The following HSD3B7 variants were observed in gnomAD, a reference collection of about 807,000 sequenced individuals.
HSD3B7 encodes 3 beta-hydroxysteroid dehydrogenase type 7.
HSD3B7 carries 35 observed loss-of-function variants against 34.3 expected under a neutral mutation model. That is an observed-to-expected ratio of 1.02 (90% CI 0.78 to 1.35). HSD3B7 has a LOEUF of 1.35. Among genes scored for constraint, HSD3B7 ranks in the 40% most tolerant of loss-of-function variants. HSD3B7 has a pLI of 0.00. For synonymous variants in HSD3B7, 217 were observed against 220.1 expected (o/e 0.99, Z 0.13); for missense variants, 426 against 504.7 (o/e 0.84, Z 1.49).
intron 2 of HSD3B7, 89 bp from the exon 3 acceptor site, chr16:30,985,959 TG>T: frequency 1.9e-6 from 3 of 1,579,054 alleles, no homozygotes; most frequent in Non-Finnish European, 1.7e-6. Flanking sequence ...TGAGTCACAT[TG>T]GGAACGTGAC....
rs985755033 is a variant in HSD3B7, at chr16:30,985,224, C to A, written c.-80C>A. On this transcript the variant is annotated 5_prime_UTR_variant, in exon 1 of 7. Transcript: ENST00000297679. ...GAGGAGCCAGCGGAAGGACGGTGTG[C>A]GGGCCGGCCAGCCCTGGACGAAAGA... 2.0e-5 allele frequency: 22 copies of A among 1,086,992 alleles called. No homozygotes were observed. The African/African-American group carries it at 3.4e-4, about 17-fold the overall frequency. 67.3% of individuals were successfully genotyped at this position (1,086,992 alleles called of 1,614,324 possible).
intron 6 of HSD3B7, chr16:30,987,560 C>G (rs1050384808): frequency 3.8e-5 from 24 of 629,898 alleles, no homozygotes; most frequent in African/African-American, 3.6e-4. Flanking sequence ...GTTTCTCTAT[C>G]CTCTCCCCAG....
Position 30,985,250 on chromosome 16 carries a change from A to G in HSD3B7, c.-54A>G, listed in dbSNP as rs1302392688. 1.4e-5 allele frequency: 16 copies of G among 1,129,566 alleles called. No individual in the cohort carries two copies. The highest frequency in any genetic ancestry group is 1.8e-5 in the Non-Finnish European group (16 of 912,608). The allele number at this position is 1,129,566 out of a possible 1,614,324, so 70.0% of individuals were successfully genotyped here. A position where few individuals can be genotyped will look rare whatever the true frequency, so the allele number is the denominator to read the frequency against. On this transcript the variant is annotated 5_prime_UTR_variant, in exon 1 of 7. Transcript: ENST00000297679. Reference sequence around the variant, plus strand: ...GGGCCGGCCAGCCCTGGACGAAAGAAGAGGGCCCCTCCAGGCCAGTCTGGG... The same window carrying G: ...GGGCCGGCCAGCCCTGGACGAAAGAGGAGGGCCCCTCCAGGCCAGTCTGGG...
chr16:30,988,988 T>TGAA lies in HSD3B7; in HGVS notation c.*806_*807insAAG, dbSNP rs2056528448. The TGAA allele has an allele frequency of 6.6e-6, 1 of 152,280 alleles. No homozygotes were observed. Among genetic ancestry groups the TGAA allele is most frequent in the Non-Finnish European group, 1.5e-5 (1 of 68,092 alleles). The allele number at this position is 152,280 out of a possible 1,614,324, so 9.4% of individuals were successfully genotyped here. A position where few individuals can be genotyped will look rare whatever the true frequency, so the allele number is the denominator to read the frequency against. On this transcript the variant is annotated 3_prime_UTR_variant, in exon 7 of 7. Transcript: ENST00000297679. The stretch of plus-strand genomic sequence containing the variant: ...GTTTTTCAAAGGCCTCACCTTCAAC[T>TGAA]GTCTGTCTTAGAATTCCCCTCTGGA...
Position 30,987,856 on chromosome 16 carries a change from TGGATCACCCTACAGGAGCTACGA to T in HSD3B7, c.788_810del (p.Ser263PhefsTer75), listed in dbSNP as rs775260292. 6.2e-7 allele frequency: 1 copy of T among 1,613,700 alleles called. No individual in the cohort carries two copies. The highest frequency in any genetic ancestry group is 1.7e-5 in the Admixed American group (1 of 60,030). On this transcript the variant is annotated frameshift_variant, in exon 7 of 7. Coordinates refer to ENST00000297679, the MANE Select transcript of HSD3B7 (RefSeq NM_025193.4). LOFTEE classifies it high-confidence loss of function. ...GCGGCCAGGTATACTTCTGCTACGA[TGGATCACCCTACAGGAGCTACGA>T]GGATTTCAACATGGAGTTCCTGGGC...
In HSD3B7 at chr16:30,986,634, T is replaced by C. The variant is rs759010382; in HGVS notation, c.461T>C (p.Val154Ala). ...AACGAAGACACCCCATACGAAGCAG[T>C]GCACAGGCACCCCTATCCTTGCAGC... is the stretch of plus-strand genomic sequence containing the variant. Reference protein sequence around the residue: ...RGNEDTPYEAVHRHPYPCSKA... With the variant: ...RGNEDTPYEAAHRHPYPCSKA... The change falls in exon 5 of 7, where the codon GTG becomes GCG. Residue 154 changes from valine to alanine, a missense_variant. By Grantham distance (64) the Val-to-Ala change is moderately conservative. Transcript: ENST00000297679. 2.5e-6 allele frequency: 4 copies of C among 1,614,168 alleles called. No individual in the cohort carries two copies. Among genetic ancestry groups the C allele is most frequent in the Middle Eastern group, 1.6e-4 (1 of 6,062 alleles).
chr16:30,986,730 A>C, intron 5 of HSD3B7, 26 bp downstream of exon 5: 1 of 1,609,464 alleles, frequency 6.2e-7, no homozygotes, highest in Non-Finnish European at 8.5e-7. Context: ...GGAGGCGCAG[A>C]GATGGGGCTC....
At chr16:30,987,593 C>A in intron 6 of HSD3B7, 175 bp from the exon 7 acceptor site, 1 of 717,458 alleles carries the variant, frequency 1.4e-6, no homozygotes, top group South Asian at 1.6e-5. Context: ...TGCAGGCTGG[C>A]CCAGGAGAGC....
At chr16:30,987,688 G>T in intron 6 of HSD3B7, 80 bp from the exon 7 acceptor site, 4 of 1,518,020 alleles carry the variant, frequency 2.6e-6, no homozygotes, top group Non-Finnish European at 3.6e-6. Context: ...CCCAAAGAGG[G>T]GGTGGCCCAG....
Position 30,986,068 on chromosome 16 carries a change from C to A in HSD3B7, c.186C>A (p.Ala62=), listed in dbSNP as rs773442552. Residue 62 remains alanine, a synonymous_variant, in exon 3 of 7, where the codon GCC becomes GCA. Transcript: ENST00000297679. The stretch of plus-strand genomic sequence containing the variant: ...GGCCAGGGCCTGTGAGGGTGACTGC[C>A]ATCCAGGGGGACGTGACCCAGGCCC... ...ELKTGPVRVT[A]IQGDVTQAHE... The A allele has an allele frequency of 6.2e-7, 1 of 1,613,320 alleles. No homozygotes were observed. Among genetic ancestry groups the A allele is most frequent in the Non-Finnish European group, 8.5e-7 (1 of 1,179,938 alleles).
chr16:30,988,277 AG>A lies in HSD3B7; in HGVS notation c.*95del. ...ACGGGAAGGGACAGCTGCATTCCAGAGCAGGAGGCAGGGCTCTGGGGCCAGA... is the reference window on the plus strand; with the variant it reads ...ACGGGAAGGGACAGCTGCATTCCAGACAGGAGGCAGGGCTCTGGGGCCAGA... On this transcript the variant is annotated 3_prime_UTR_variant, in exon 7 of 7. Transcript: ENST00000297679. The A allele has an allele frequency of 8.1e-7, 1 of 1,235,310 alleles. No homozygotes were observed. Among genetic ancestry groups the A allele is most frequent in the Non-Finnish European group, 1.1e-6 (1 of 891,128 alleles). The allele number at this position is 1,235,310 out of a possible 1,614,324, so 76.5% of individuals were successfully genotyped here. A position where few individuals can be genotyped will look rare whatever the true frequency, so the allele number is the denominator to read the frequency against.
rs2056459309 is a variant in HSD3B7, at chr16:30,985,657, G to C, written c.-2G>C. On this transcript the variant is annotated 5_prime_UTR_variant, in exon 2 of 7. Transcript: ENST00000297679. ...GAGCCAAGGTCTCTTCCCCAGCCAG[G>C]CATGGCCGACTCTGCACAGGCCCAG... is the stretch of plus-strand genomic sequence containing the variant. The C allele has an allele frequency of 6.2e-7, 1 of 1,602,200 alleles. No homozygotes were observed. Among genetic ancestry groups the C allele is most frequent in the Admixed American group, 1.7e-5 (1 of 59,360 alleles).
rs376746447 is a variant in HSD3B7 at position 30,986,877 on chromosome 16, G to A, written c.569G>A (p.Arg190His). The change falls in exon 6 of 7, where the codon CGT (arginine) becomes CAT (histidine). Residue 190 changes from arginine to histidine, a missense_variant. Physicochemically the swap from Arg to His is conservative, Grantham distance 29. Coordinates refer to ENST00000297679, the MANE Select transcript of HSD3B7 (RefSeq NM_025193.4). ...GGLPLVTCAL[R>H]PTGIYGEGHQ... ...CTGCCCCTGGTGACGTGTGCCCTTCGTCCCACGGGCATCTACGGTGAAGGC... is the reference window on the plus strand; with the variant it reads ...CTGCCCCTGGTGACGTGTGCCCTTCATCCCACGGGCATCTACGGTGAAGGC... 6.2e-6 allele frequency: 10 copies of A among 1,613,854 alleles called. No homozygotes were observed. Among genetic ancestry groups the A allele is most frequent in the African/African-American group, 1.3e-5 (1 of 74,934 alleles).
chr16:30,986,270 C>G, intron 3 of HSD3B7, 66 bp downstream of exon 3: 1 of 1,583,208 alleles, frequency 6.3e-7, no homozygotes, highest in Non-Finnish European at 8.6e-7. Flanking sequence ...TTGGCCTTGA[C>G]CTCCGGTGAC....
intron 6 of HSD3B7, chr16:30,987,318 G>C (rs966095789): frequency 1.1e-5 from 5 of 447,106 alleles, no homozygotes; most frequent in South Asian, 2.5e-5. Context: ...TCAGTGGCTC[G>C]CATCTATAAT....
Position 30,988,088 on chromosome 16 carries a change from C to T in HSD3B7, c.1015C>T (p.Gln339Ter). The change falls in exon 7 of 7, where the codon CAG becomes TAG. Residue 339 changes from glutamine to a stop codon, truncating the protein, a stop_gained. Transcript: ENST00000297679. LOFTEE classifies it high-confidence loss of function. ...CTTCACCGTCAGCACCGACAAGGCT[C>T]AGCGCCATTTCGGCTATGAGCCCCT... The part of the protein sequence containing the change: ...TTFTVSTDKA[Q>*]RHFGYEPLFS... 2 of 1,606,228 alleles carry T rather than the reference C, an allele frequency of 1.2e-6. No homozygotes were observed. Among genetic ancestry groups the T allele is most frequent in the Non-Finnish European group, 1.7e-6 (2 of 1,178,856 alleles).
chr16:30,987,055 T>G, intron 6 of HSD3B7, 53 bp downstream of exon 6: 1 of 1,570,274 alleles, frequency 6.4e-7, no homozygotes, highest in Non-Finnish European at 8.6e-7. Context: ...GAGGACTTGC[T>G]CTAGAAGGGG....
chr16:30,987,825 T>C lies in HSD3B7; in HGVS notation c.752T>C (p.Leu251Pro), dbSNP rs1323352408. 6.2e-7 allele frequency: 1 copy of C among 1,613,392 alleles called. No homozygotes were observed. Among genetic ancestry groups the C allele is most frequent in the Non-Finnish European group, 8.5e-7 (1 of 1,179,994 alleles). ...AARELEQRAT[L>P]MGGQVYFCYD... ...CGGGAGCTGGAGCAGCGGGCAACCC[T>C]GATGGGCGGCCAGGTATACTTCTGC... The change falls in exon 7 of 7, where the codon CTG (leucine) becomes CCG (proline). Residue 251 changes from leucine to proline, a missense_variant. Coordinates refer to ENST00000297679, the MANE Select transcript of HSD3B7 (RefSeq NM_025193.4).
In HSD3B7 at chr16:30,987,928, C is replaced by T. The variant is rs774346926; in HGVS notation, c.855C>T (p.Gly285=). ...GCCCCTGCGGACTGCGGCTGGTGGG[C>T]GCCCGCCCATTGCTGCCCTACTGGC... The part of the protein sequence containing the change: ...FLGPCGLRLV[G]ARPLLPYWLL... Residue 285 remains glycine, a synonymous_variant, in exon 7 of 7, where the codon GGC becomes GGT. Transcript: ENST00000297679. 21 of 1,613,240 alleles carry T rather than the reference C, an allele frequency of 1.3e-5. No individual in the cohort carries two copies. The Admixed American group carries it at 1.5e-4, about 12-fold the overall frequency.
Sources: gnomAD v4.1 joint callset for allele counts on GRCh38, gnomAD v4.1.1 for gene constraint, MANE v1.5 for transcripts, NCBI Gene and HGNC (gene_info 2026-07-23, HGNC 2026-07-21) for gene names.